NYAP2: variants seen among roughly 807,000 people sequenced by gnomAD.
NYAP2 encodes the protein neuronal tyrosine-phosphorylated phosphoinositide-3-kinase adaptor 2.
Under a neutral mutation model 50.4 loss-of-function variants are expected in NYAP2, and 23 were observed. The ratio of observed to expected loss-of-function variants is 0.46; its 90% CI spans 0.33 to 0.65. The LOEUF (loss-of-function observed/expected upper bound fraction) is 0.65. NYAP2 is among the 30% of genes least tolerant of loss of function. The pLI is 0.02. For missense variants in NYAP2, 885 were observed against 861.0 expected, an observed-to-expected ratio of 1.03 and a Z score of -0.35; for synonymous variants, 394 against 365.2, an observed-to-expected ratio of 1.08 and a Z score of -0.90.
chr2:225,556,115 C>T (rs1691772708), intron 4 of NYAP2, among the ~76,000 whole-genome samples: 1 of 152,138 alleles, frequency 6.6e-6, no homozygotes, highest in Admixed American at 6.6e-5. Flanking sequence ...GAACCTCTGA[C>T]TCTCTGTTCC....
intron 5 of NYAP2, among the ~76,000 whole-genome samples, chr2:225,622,510 CTTTCTTTCTT>C (rs1574714650): frequency 1.5e-4 from 4 of 26,238 alleles, no homozygotes; most frequent in African/African-American, 2.3e-4. Context: ...TCTTTTCTTT[CTTTCTTTCTT>C]CTTTCTTTCT....
At chr2:225,579,865 A>G (rs1692240771) in intron 4 of NYAP2, among the ~76,000 whole-genome samples, 1 of 152,238 alleles carries the variant, frequency 6.6e-6, no homozygotes, top group Non-Finnish European at 1.5e-5. Context: ...AAAGATAATG[A>G]AAGCAAATTA....
intron 5 of NYAP2, among the ~76,000 whole-genome samples, chr2:225,586,438 G>C (rs1020859116): frequency 2.0e-5 from 3 of 152,106 alleles, no homozygotes; most frequent in African/African-American, 4.8e-5. Context: ...ATAGTCTGTA[G>C]CTCTAGTACT....
At chr2:225,470,159 A>G (rs1413616940) in intron 3 of NYAP2, among the ~76,000 whole-genome samples, 1 of 152,162 alleles carries the variant, frequency 6.6e-6, no homozygotes, top group Non-Finnish European at 1.5e-5. Context: ...AGAACCCACC[A>G]CACAGTGAAA....
intron 4 of NYAP2, 25 bp downstream of exon 4, chr2:225,513,697 C>T (rs1265595261): frequency 2.0e-6 from 3 of 1,482,578 alleles, no homozygotes; most frequent in Non-Finnish European, 2.7e-6. Context: ...GTCCATGTCA[C>T]CTAGAAATCT....
At chr2:225,603,309 A>C (rs1433650229) in intron 5 of NYAP2, among the ~76,000 whole-genome samples, 1 of 152,160 alleles carries the variant, frequency 6.6e-6, no homozygotes, top group African/African-American at 2.4e-5. Context: ...TTTATTTTGA[A>C]ATTTCAGAAA....
chr2:225,638,286 C>T (rs901181208), intron 6 of NYAP2, among the ~76,000 whole-genome samples: 3 of 151,138 alleles, frequency 2.0e-5, no homozygotes, highest in Admixed American at 6.6e-5. Flanking sequence ...GTGTCTCCAG[C>T]AGTGGAAAGT....
At chr2:225,401,542 A>G (rs962961787) in intron 2 of NYAP2, among the ~76,000 whole-genome samples, 3 of 152,062 alleles carry the variant, frequency 2.0e-5, no homozygotes, top group Admixed American at 6.6e-5. Context: ...CTTCTTCCTG[A>G]CTGATTAGAC....
At position 225,421,957 on chromosome 2, in the gene NYAP2, TTTC is replaced by T. The variant is rs202191759; in HGVS notation, c.221+12868_221+12870del. 4.3e-4 allele frequency among the ~76,000 whole-genome samples: 66 copies of T among 152,350 alleles called. No homozygotes were observed. The East Asian group carries it at 0.012, about 27-fold the overall frequency. On this transcript the variant is annotated intron_variant, in intron 3 of 6. Transcript: ENST00000636099. ...TCTAATGTTATTCTTGATTTGTTTTTTTCTTCTTCTTCTTTTCCACATAATTTT... is the reference window on the plus strand; with the variant it reads ...TCTAATGTTATTCTTGATTTGTTTTTTTCTTCTTCTTTTCCACATAATTTT...
intron 3 of NYAP2, among the ~76,000 whole-genome samples, chr2:225,457,727 A>G (rs1306099558): frequency 6.6e-6 from 1 of 152,234 alleles, no homozygotes; most frequent in Admixed American, 6.5e-5. Context: ...TTGTGAACAC[A>G]GAGAGATAAA....
At chr2:225,479,873 CA>C (rs766270342) in intron 3 of NYAP2, among the ~76,000 whole-genome samples, 22 of 152,044 alleles carry the variant, frequency 1.4e-4, no homozygotes, top group Admixed American at 1.1e-3. Flanking sequence ...CTATTTTCTT[CA>C]AAGCATCTTT....
At chr2:225,601,123 G>GTTT (rs71410364) in intron 5 of NYAP2, among the ~76,000 whole-genome samples, 4 of 136,892 alleles carry the variant, frequency 2.9e-5, no homozygotes, top group Non-Finnish European at 6.3e-5. Context: ...CTGTGTTTAA[G>GTTT]TTTTTTTTTT....
At chr2:225,688,695 T>C in the NYAP2 span, among the ~76,000 whole-genome samples, 1 of 152,220 alleles carries the variant, frequency 6.6e-6, no homozygotes, top group South Asian at 2.1e-4. Context: ...ATCTTATCCA[T>C]TTTATTCATC....
At chr2:225,453,834 ATTTT>A (rs766421405) in intron 3 of NYAP2, among the ~76,000 whole-genome samples, 2 of 126,602 alleles carry the variant, frequency 1.6e-5, no homozygotes, top group Non-Finnish European at 1.7e-5. Context: ...CGCCCGGCTA[ATTTT>A]TTTTTTTTTT....
chr2:225,651,675 C>CG (rs1347759322), exon 7 of NYAP2: 3 of 1,139,750 alleles, frequency 2.6e-6, no homozygotes, highest in East Asian at 4.9e-5. Flanking sequence ...TTAGGGGATG[C>CG]GGGGGATGAG....
intron 3 of NYAP2, among the ~76,000 whole-genome samples, chr2:225,504,424 G>A (rs962902502): frequency 2.6e-5 from 4 of 152,140 alleles, no homozygotes; most frequent in South Asian, 2.1e-4. Context: ...ACATGAATTT[G>A]GGGTGGGGGA....
chr2:225,579,094 G>GGGGA (rs560598600), intron 4 of NYAP2, among the ~76,000 whole-genome samples: 1 of 147,332 alleles, frequency 6.8e-6, no homozygotes, highest in Non-Finnish European at 1.5e-5. Flanking sequence ...AGAAGAGAGG[G>GGGGA]GAGAGAGAGA....
intron 3 of NYAP2, among the ~76,000 whole-genome samples, chr2:225,506,835 C>T (rs1415810382): frequency 6.6e-6 from 1 of 152,122 alleles, no homozygotes; most frequent in Non-Finnish European, 1.5e-5. Context: ...GTAACCACCA[C>T]CATTTCCCTT....
At chr2:225,565,718 T>C (rs1691949553) in intron 4 of NYAP2, among the ~76,000 whole-genome samples, 1 of 152,200 alleles carries the variant, frequency 6.6e-6, no homozygotes, top group Non-Finnish European at 1.5e-5. Context: ...TCAGGTAGAA[T>C]GTCTTTTTAA....
Sources: allele counts gnomAD v4.1 joint callset (sites outside exome capture counted in the v4.1 genomes callset), GRCh38; gene constraint gnomAD v4.1.1; transcripts MANE v1.5; gene names NCBI Gene and HGNC (gene_info 2026-07-23, HGNC 2026-07-21).